Variants in ANO3 observed in about 807,000 individuals in gnomAD.
ANO3 encodes anoctamin-3.
ANO3 carries 99 observed loss-of-function variants against 144.8 expected under a neutral mutation model. That is an observed-to-expected ratio of 0.68 (90% CI 0.58 to 0.81). ANO3 has a LOEUF of 0.81. Among genes scored for constraint, ANO3 ranks in the 30% least tolerant of loss-of-function variants. The pLI, the probability that ANO3 is intolerant of heterozygous loss-of-function variation, is 0.00. For synonymous variants in ANO3, 414 were observed against 392.6 expected (o/e 1.05, Z -0.64); for missense variants, 905 against 1,202.2 (o/e 0.75, Z 3.66).
At chr11:26,437,777 G>A (rs567144453) in intron 1 of ANO3, among the ~76,000 whole-genome samples, 104 of 152,278 alleles carry the variant, frequency 6.8e-4, no homozygotes, top group Non-Finnish European at 1.3e-3. Context: ...TTATAAGTGA[G>A]AACATACATA....
intron 1 of ANO3, among the ~76,000 whole-genome samples, chr11:26,259,879 A>G (rs574131241): frequency 3.3e-5 from 5 of 152,046 alleles, no homozygotes; most frequent in African/African-American, 1.2e-4. Flanking sequence ...ACCAACTCCA[A>G]TAGTATGGTG....
At chr11:26,269,264 G>A (rs1853385124) in intron 1 of ANO3, among the ~76,000 whole-genome samples, 1 of 152,170 alleles carries the variant, frequency 6.6e-6, no homozygotes, top group African/African-American at 2.4e-5. Flanking sequence ...GGGGCCTTTG[G>A]CACTCACCTC....
intron 1 of ANO3, among the ~76,000 whole-genome samples, chr11:26,201,135 G>C (rs1851684450): frequency 6.6e-6 from 1 of 152,052 alleles, no homozygotes; most frequent in South Asian, 2.1e-4. Flanking sequence ...ACATATATAA[G>C]CACCATGTGC....
At position 26,269,416 on chromosome 11, in the gene ANO3, A is replaced by G. The variant is rs193044141; in HGVS notation, c.155-40229A>G. Among the ~76,000 whole-genome samples the G allele has an allele frequency of 2.3e-4, 35 of 151,956 alleles. No individual in the cohort carries two copies. The East Asian group carries it at 5.4e-3, about 24-fold the overall frequency. On this transcript the variant is annotated intron_variant, in intron 1 of 27. Transcript: ENST00000672621. ...AGCTTCTCCCCCTCTTACTTTTCCT[A>G]TCTCTCTTGGGGCTCTCTCAGCAGT...
At chr11:26,289,745 T>C (rs1163890983) in intron 1 of ANO3, among the ~76,000 whole-genome samples, 1 of 147,506 alleles carries the variant, frequency 6.8e-6, no homozygotes, top group Non-Finnish European at 1.5e-5. Flanking sequence ...TGTGTATATA[T>C]ATTCTATATG....
intron 1 of ANO3, among the ~76,000 whole-genome samples, chr11:26,375,460 T>A (rs1856379254): frequency 2.0e-5 from 3 of 152,208 alleles, no homozygotes; most frequent in Admixed American, 1.3e-4. Context: ...CATCTACAAA[T>A]AATAAGTTCT....
intron 5 of ANO3, among the ~76,000 whole-genome samples, chr11:26,514,352 G>C (rs1861782692): frequency 6.6e-6 from 1 of 152,064 alleles, no homozygotes; most frequent in Admixed American, 6.6e-5. Context: ...GAGGTATGCT[G>C]TCAACTGAGA....
At chr11:26,586,356 T>C (rs1388721248) in intron 14 of ANO3, among the ~76,000 whole-genome samples, 1 of 2,118 alleles carries the variant, frequency 4.7e-4, no homozygotes, top group African/African-American at 1.1e-3. Flanking sequence ...CCTGTATTCT[T>C]TTTTTTTTTT....
intron 4 of ANO3, among the ~76,000 whole-genome samples, chr11:26,503,823 T>C (rs1044462117): frequency 6.6e-6 from 1 of 152,146 alleles, no homozygotes; most frequent in African/African-American, 2.4e-5. Flanking sequence ...TAATAATTGT[T>C]AGCGTTCCAT....
intron 1 of ANO3, among the ~76,000 whole-genome samples, chr11:26,385,651 C>T (rs1324650430): frequency 2.0e-5 from 3 of 152,058 alleles, no homozygotes; most frequent in Non-Finnish European, 2.9e-5. Flanking sequence ...AATGGGACCC[C>T]TGTGATTACA....
At chr11:26,248,128 A>G (rs960444523) in intron 1 of ANO3, among the ~76,000 whole-genome samples, 43 of 151,986 alleles carry the variant, frequency 2.8e-4, no homozygotes, top group Admixed American at 1.3e-4. Context: ...TCATGAGGTA[A>G]GGAGTTTGAG....
At chr11:26,585,780 T>C (rs1851258149) in intron 14 of ANO3, among the ~76,000 whole-genome samples, 1 of 152,276 alleles carries the variant, frequency 6.6e-6, no homozygotes, top group South Asian at 2.1e-4. Flanking sequence ...TCACTTAACC[T>C]CTCAGTACTC....
intron 14 of ANO3, among the ~76,000 whole-genome samples, chr11:26,574,797 C>T (rs933105915): frequency 1.3e-5 from 2 of 152,054 alleles, no homozygotes; most frequent in East Asian, 3.9e-4. Context: ...TTAACTATAA[C>T]TTTTTGGAAA....
intron 1 of ANO3, among the ~76,000 whole-genome samples, chr11:26,207,744 A>G (rs1277117819): frequency 1.1e-5 from 1 of 88,684 alleles, no homozygotes; most frequent in Non-Finnish European, 2.9e-5. Context: ...AACTGACCGT[A>G]GTACATTTTC....
chr11:26,369,774 C>T (rs538874503), intron 1 of ANO3, among the ~76,000 whole-genome samples: 5 of 152,130 alleles, frequency 3.3e-5, no homozygotes, highest in African/African-American at 1.2e-4. Flanking sequence ...ATTGAATACT[C>T]TATTGTTTAC....
At chr11:26,203,511 A>G (rs1246597024) in intron 1 of ANO3, among the ~76,000 whole-genome samples, 2 of 152,106 alleles carry the variant, frequency 1.3e-5, no homozygotes, top group African/African-American at 4.8e-5. Context: ...ACAAAGATCA[A>G]TAAACTATGA....
At chr11:26,360,129 C>A (rs146138965) in intron 1 of ANO3, among the ~76,000 whole-genome samples, 1 of 147,094 alleles carries the variant, frequency 6.8e-6, no homozygotes, top group East Asian at 2.0e-4. Context: ...TTTTCATTGA[C>A]ATTTTTTCCT....
intron 3 of ANO3, among the ~76,000 whole-genome samples, chr11:26,455,158 T>G (rs1334801780): frequency 2.6e-5 from 4 of 151,038 alleles, no homozygotes; most frequent in Non-Finnish European, 5.9e-5. Context: ...CTTTGAAAAC[T>G]GGCACAAGAC....
intron 17 of ANO3, among the ~76,000 whole-genome samples, chr11:26,616,765 T>C (rs535609807): frequency 1.3e-5 from 2 of 152,252 alleles, no homozygotes; most frequent in African/African-American, 4.8e-5. Flanking sequence ...TACAAAATTG[T>C]TCTTTTTTAT....
Sources: allele counts gnomAD v4.1 joint callset (sites outside exome capture counted in the v4.1 genomes callset), GRCh38; gene constraint gnomAD v4.1.1; transcripts MANE v1.5; gene names NCBI Gene and HGNC (gene_info 2026-07-23, HGNC 2026-07-21).